GRM8: variants seen among roughly 807,000 people sequenced by gnomAD.
GRM8 encodes the protein glutamate metabotropic receptor 8, also known as metabotropic glutamate receptor 8.
A neutral mutation model predicts 87.2 loss-of-function variants in GRM8; 47 were observed. The observed-to-expected ratio is 0.54, with a 90% CI of 0.43 to 0.69. GRM8 has a LOEUF of 0.69. Among genes scored for constraint, GRM8 ranks in the 30% least tolerant of loss-of-function variants. The pLI is 0.00. For missense variants in GRM8, 1,019 were observed against 1,139.2 expected, an observed-to-expected ratio of 0.89 and a Z score of 1.52; for synonymous variants, 396 against 404.5, an observed-to-expected ratio of 0.98 and a Z score of 0.25.
At chr7:126,450,380 TTC>T (rs1802481235) in intron 9 of GRM8, among the ~76,000 whole-genome samples, 1 of 151,820 alleles carries the variant, frequency 6.6e-6, no homozygotes. Context: ...TCCTGACTAT[TTC>T]TGTTTTGCCC....
chr7:126,991,153 T>C (rs912970569), intron 3 of GRM8, among the ~76,000 whole-genome samples: 3 of 152,204 alleles, frequency 2.0e-5, no homozygotes, highest in Non-Finnish European at 4.4e-5. Flanking sequence ...CTGAAATGAC[T>C]GGCAGTAACC....
At chr7:126,957,104 C>T (rs1353536772) in intron 3 of GRM8, among the ~76,000 whole-genome samples, 1 of 152,000 alleles carries the variant, frequency 6.6e-6, no homozygotes, top group Admixed American at 6.5e-5. Flanking sequence ...TACACTGGTA[C>T]AGACATAGAT....
intron 2 of GRM8, among the ~76,000 whole-genome samples, chr7:127,241,154 G>C (rs977979774): frequency 6.6e-5 from 10 of 152,116 alleles, no homozygotes; most frequent in African/African-American, 2.4e-4. Context: ...CCATTAAGTT[G>C]CCTCATACCA....
chr7:126,602,308 C>T (rs1237117136), intron 8 of GRM8, among the ~76,000 whole-genome samples: 2 of 146,420 alleles, frequency 1.4e-5, no homozygotes, highest in East Asian at 2.0e-4. Context: ...GTTTTGGTAG[C>T]AGTACCATGC....
At chr7:126,673,678 T>C (rs1806636266) in intron 7 of GRM8, among the ~76,000 whole-genome samples, 1 of 152,222 alleles carries the variant, frequency 6.6e-6, no homozygotes, top group Non-Finnish European at 1.5e-5. Flanking sequence ...TCATGGTAGA[T>C]GCTGAATTTT....
At chr7:126,645,520 G>T (rs1025545783) in intron 7 of GRM8, among the ~76,000 whole-genome samples, 3 of 152,126 alleles carry the variant, frequency 2.0e-5, no homozygotes, top group African/African-American at 7.2e-5. Context: ...TAGCCTCCAA[G>T]CTATTAGGGA....
chr7:127,200,786 T>A (rs2116555821), intron 2 of GRM8, among the ~76,000 whole-genome samples: 1 of 152,362 alleles, frequency 6.6e-6, no homozygotes, highest in Non-Finnish European at 1.5e-5. Flanking sequence ...CTTAATGTGG[T>A]ATGATCTCAC....
intron 7 of GRM8, among the ~76,000 whole-genome samples, chr7:126,671,152 T>C (rs1428699075): frequency 3.3e-5 from 5 of 152,216 alleles, no homozygotes; most frequent in African/African-American, 1.2e-4. Context: ...ATGTAGTCCC[T>C]GTACAGGGTT....
chr7:127,150,750 T>C (rs1828815258), intron 2 of GRM8, among the ~76,000 whole-genome samples: 2 of 152,038 alleles, frequency 1.3e-5, no homozygotes, highest in South Asian at 2.1e-4. Flanking sequence ...CCTCCTTCTG[T>C]TCAAGGAGAG....
chr7:126,596,931 T>TA (rs1416228101), intron 8 of GRM8, among the ~76,000 whole-genome samples: 1 of 152,136 alleles, frequency 6.6e-6, no homozygotes, highest in Non-Finnish European at 1.5e-5. Context: ...TATCTCACAA[T>TA]AACATCAATA....
At chr7:127,129,049 T>A (rs1425202226) in intron 2 of GRM8, among the ~76,000 whole-genome samples, 1 of 152,154 alleles carries the variant, frequency 6.6e-6, no homozygotes, top group Non-Finnish European at 1.5e-5. Context: ...ATTCACCATA[T>A]CCAACCTGAT....
intron 3 of GRM8, among the ~76,000 whole-genome samples, chr7:126,926,610 A>G (rs1042319278): frequency 6.6e-6 from 1 of 152,192 alleles, no homozygotes; most frequent in African/African-American, 2.4e-5. Context: ...CTTCAATAGC[A>G]TGTTATTTTC....
At chr7:127,229,486 C>T (rs1357271636) in intron 2 of GRM8, 1 of 152,030 alleles carries the variant, frequency 6.6e-6, no homozygotes, top group Non-Finnish European at 1.5e-5. Context: ...TAAAGCTATC[C>T]AAACTAAAAA....
chr7:126,720,136 A>G (rs1812216455), intron 7 of GRM8, among the ~76,000 whole-genome samples: 1 of 148,454 alleles, frequency 6.7e-6, no homozygotes, highest in Non-Finnish European at 1.5e-5. Flanking sequence ...TATTTAACTC[A>G]TGTTATTCTC....
intron 6 of GRM8, among the ~76,000 whole-genome samples, chr7:126,828,052 G>A (rs1322689575): frequency 6.6e-6 from 1 of 152,170 alleles, no homozygotes; most frequent in East Asian, 1.9e-4. Flanking sequence ...TTGCATCCCA[G>A]GGATGAATCC....
chr7:126,451,134 T>C (rs1338141867), intron 9 of GRM8, among the ~76,000 whole-genome samples: 4 of 151,858 alleles, frequency 2.6e-5, no homozygotes, highest in African/African-American at 9.7e-5. Context: ...TACTGACAAA[T>C]TCCGGGCTTT....
intron 7 of GRM8, among the ~76,000 whole-genome samples, chr7:126,627,955 G>A (rs1800861784): frequency 6.6e-6 from 1 of 152,154 alleles, no homozygotes; most frequent in African/African-American, 2.4e-5. Context: ...AGAAGGATCT[G>A]TAATTTTTGT....
intron 6 of GRM8, among the ~76,000 whole-genome samples, chr7:126,824,146 C>A (rs1794543303): frequency 6.6e-6 from 1 of 151,972 alleles, no homozygotes; most frequent in South Asian, 2.1e-4. Flanking sequence ...AAAATATGGT[C>A]ATCACTGTTA....
intron 7 of GRM8, among the ~76,000 whole-genome samples, chr7:126,628,368 G>A (rs1355588817): frequency 6.6e-6 from 1 of 152,074 alleles, no homozygotes; most frequent in Non-Finnish European, 1.5e-5. Flanking sequence ...CCTATTGCCT[G>A]CAAATGTTTG....
Sources: gnomAD v4.1 joint callset for allele counts (sites outside exome capture counted in the v4.1 genomes callset) on GRCh38, gnomAD v4.1.1 for gene constraint, MANE v1.5 for transcripts, NCBI Gene and HGNC (gene_info 2026-07-23, HGNC 2026-07-21) for gene names.